The following CFTR variants were observed in gnomAD, a reference collection of about 807,000 sequenced individuals.
CFTR encodes CF transmembrane conductance regulator, also known as cystic fibrosis transmembrane conductance regulator.
Under a neutral mutation model 171.6 loss-of-function variants are expected in CFTR, and 181 were observed. The ratio of observed to expected loss-of-function variants is 1.05; its 90% CI spans 0.93 to 1.19. The LOEUF (loss-of-function observed/expected upper bound fraction) is 1.19. Ranked by LOEUF, CFTR falls within the 50% of genes most tolerant of loss-of-function variation. The probability of loss-of-function intolerance (pLI) is 0.00; values close to 1 mark genes in which losing one functional copy is unlikely to be tolerated. For missense variants in CFTR, 1,968 were observed against 1,734.7 expected (o/e 1.13, Z -2.39); for synonymous variants, 583 against 608.0 (o/e 0.96, Z 0.60).
At chr7:117,501,856 A>G (rs1260995399) in intron 1 of CFTR, among the ~76,000 whole-genome samples, 1 of 148,988 alleles carries the variant, frequency 6.7e-6, no homozygotes, top group Non-Finnish European at 1.5e-5. Flanking sequence ...TTTTACTATT[A>G]TCTATGCTAT....
chr7:117,658,563 A>G (rs926353255), intron 24 of CFTR, among the ~76,000 whole-genome samples: 4 of 152,148 alleles, frequency 2.6e-5, no homozygotes, highest in Non-Finnish European at 5.9e-5. Context: ...ATCTCAGCAC[A>G]TGAAAAGCAC....
chr7:117,486,896 G>GGAGAGAGA (rs138257490), intron 1 of CFTR, among the ~76,000 whole-genome samples: 5 of 113,644 alleles, frequency 4.4e-5, no homozygotes, highest in Admixed American at 9.9e-5. Flanking sequence ...GAGGGGGCGG[G>GGAGAGAGA]GAGAGAGAGA....
intron 22 of CFTR, among the ~76,000 whole-genome samples, chr7:117,641,302 T>C (rs1792908131): frequency 6.6e-6 from 1 of 152,188 alleles, no homozygotes; most frequent in Non-Finnish European, 1.5e-5. Context: ...CTGGTTCTGG[T>C]TTACAAACTT....
chr7:117,624,249 G>A (rs1225145605), intron 21 of CFTR, among the ~76,000 whole-genome samples: 2 of 152,138 alleles, frequency 1.3e-5, no homozygotes, highest in Non-Finnish European at 2.9e-5. Context: ...TAGGAATTAA[G>A]GAGTGTGTTG....
At position 117,594,902 on chromosome 7, in the gene CFTR, T is replaced by G. The variant is rs1369348651; in HGVS notation, c.2491-28T>G. 6 of 1,609,326 alleles carry G rather than the reference T, an allele frequency of 3.7e-6. No homozygotes were observed. The East Asian group carries it at 1.3e-4, about 36-fold the overall frequency. On this transcript the variant is annotated intron_variant, in intron 14 of 26. Coordinates refer to ENST00000003084, the MANE Select transcript of CFTR (RefSeq NM_000492.4). ...GGTGGCATGAAACTGTACTGTCTTA[T>G]TGTAATAGCCATAATTCTTTTATTC... is the stretch of plus-strand genomic sequence containing the variant.
chr7:117,579,007 T>C (rs1304352265), intron 11 of CFTR, among the ~76,000 whole-genome samples: 1 of 152,108 alleles, frequency 6.6e-6, no homozygotes, highest in Non-Finnish European at 1.5e-5. Flanking sequence ...GTTAGCTATA[T>C]GATAAGATGG....
At chr7:117,504,548 G>A (rs1302315869) in intron 2 of CFTR, among the ~76,000 whole-genome samples, 185 bp downstream of exon 2, 1 of 152,068 alleles carries the variant, frequency 6.6e-6, no homozygotes, top group Non-Finnish European at 1.5e-5. Context: ...GAGACCAGGA[G>A]TTTGATACCA....
At chr7:117,663,489 T>C (rs1427983221) in intron 24 of CFTR, among the ~76,000 whole-genome samples, 1 of 148,910 alleles carries the variant, frequency 6.7e-6, no homozygotes, top group Non-Finnish European at 1.5e-5. Flanking sequence ...TGTTTTTTGC[T>C]TGTTTGTTTC....
At chr7:117,602,764 G>T in intron 15 of CFTR, 62 bp from the exon 16 acceptor site, 1 of 1,285,342 alleles carries the variant, frequency 7.8e-7, no homozygotes, top group Non-Finnish European at 1.1e-6. Flanking sequence ...TTTAGATGTG[G>T]GCATGGGAGG....
intron 1 of CFTR, among the ~76,000 whole-genome samples, chr7:117,480,352 T>G (rs1317890951): frequency 6.6e-6 from 1 of 152,216 alleles, no homozygotes. Flanking sequence ...GCTGATTGAA[T>G]AGAGAGCCAC....
chr7:117,489,871 A>C (rs1450447751), intron 1 of CFTR, among the ~76,000 whole-genome samples: 2 of 151,960 alleles, frequency 1.3e-5, no homozygotes, highest in African/African-American at 4.8e-5. Flanking sequence ...TTCAAATCAG[A>C]AGTTGGTGAA....
intron 22 of CFTR, among the ~76,000 whole-genome samples, chr7:117,635,842 AATATATT>A (rs1176968052): frequency 6.6e-6 from 1 of 152,094 alleles, no homozygotes; most frequent in East Asian, 1.9e-4. Flanking sequence ...TTTATGATTG[AATATATT>A]GATGAAATTA....
intron 18 of CFTR, among the ~76,000 whole-genome samples, chr7:117,609,139 A>G (rs962795010): frequency 1.3e-5 from 2 of 152,142 alleles, no homozygotes; most frequent in African/African-American, 4.8e-5. Flanking sequence ...GTATTTTGAT[A>G]CCTCATGTAA....
intron 18 of CFTR, among the ~76,000 whole-genome samples, chr7:117,609,306 A>G (rs1021347467): frequency 1.3e-5 from 2 of 152,172 alleles, no homozygotes; most frequent in Admixed American, 1.3e-4. Context: ...CAGATTTGTC[A>G]CTTGTAGAAT....
chr7:117,630,045 A>G (rs992569868), intron 22 of CFTR, among the ~76,000 whole-genome samples: 1 of 152,210 alleles, frequency 6.6e-6, no homozygotes, highest in African/African-American at 2.4e-5. Context: ...CCAGGACATG[A>G]TAATCTAAAA....
chr7:117,566,164 T>C (rs1372452766), intron 11 of CFTR, among the ~76,000 whole-genome samples: 1 of 151,920 alleles, frequency 6.6e-6, no homozygotes, highest in Non-Finnish European at 1.5e-5. Flanking sequence ...CCAGGCGTGG[T>C]GTCTCATGCC....
At position 117,610,571 on chromosome 7, in the gene CFTR, A is replaced by G. The variant is rs149279509; in HGVS notation, c.3041A>G (p.Tyr1014Cys). The stretch of plus-strand genomic sequence containing the variant: ...GCAGTTGTCGCAGTTTTACAACCCT[A>G]CATCTTTGTTGCAACAGTGCCAGTG... ...AIAVVAVLQPYIFVATVPVIV... is the reference protein window; with the variant it reads ...AIAVVAVLQPCIFVATVPVIV... Residue 1014 changes from tyrosine (Y) to cysteine (C), a missense_variant, in exon 19 of 27, where the codon TAC becomes TGC. By Grantham distance (194) the Tyr-to-Cys change is radical (BLOSUM62 -2). Transcript: ENST00000003084. 253 of 1,613,446 alleles carry G rather than the reference A, an allele frequency of 1.6e-4. No individual in the cohort carries two copies. The highest frequency in any genetic ancestry group is 5.5e-4 in the Admixed American group (33 of 59,950).
At chr7:117,561,420 T>C (rs1006552129) in intron 11 of CFTR, among the ~76,000 whole-genome samples, 2 of 152,132 alleles carry the variant, frequency 1.3e-5, no homozygotes, top group African/African-American at 4.8e-5. Context: ...ATTTTTGGCC[T>C]CTTGAAAAGA....
chr7:117,583,794 G>C (rs1184866651), intron 11 of CFTR, among the ~76,000 whole-genome samples: 3 of 152,140 alleles, frequency 2.0e-5, no homozygotes, highest in Non-Finnish European at 4.4e-5. Context: ...CCCACCAGCA[G>C]TGTAAAACTG....
Sources: gnomAD v4.1 joint callset for allele counts (sites outside exome capture counted in the v4.1 genomes callset) on GRCh38, gnomAD v4.1.1 for gene constraint, MANE v1.5 for transcripts, NCBI Gene and HGNC (gene_info 2026-07-23, HGNC 2026-07-21) for gene names.